The following CTNNBL1 variants were observed in gnomAD, a reference collection of about 807,000 sequenced individuals.
CTNNBL1 encodes the protein beta-catenin-like protein 1.
CTNNBL1 carries 31 observed loss-of-function variants against 72.7 expected under a neutral mutation model. That is an observed-to-expected ratio of 0.43 (90% CI 0.32 to 0.58). CTNNBL1 has a LOEUF of 0.58. Ranked by LOEUF, CTNNBL1 falls within the 20% of genes least tolerant of loss-of-function variation. CTNNBL1 has a pLI of 0.08. For missense variants in CTNNBL1, 534 were observed against 725.1 expected, an observed-to-expected ratio of 0.74 and a Z score of 3.03; for synonymous variants, 240 against 267.3, an observed-to-expected ratio of 0.90 and a Z score of 1.00.
At chr20:37,789,377 A>G (rs2073705219) in intron 10 of CTNNBL1, among the ~76,000 whole-genome samples, 1 of 152,252 alleles carries the variant, frequency 6.6e-6, no homozygotes, top group African/African-American at 2.4e-5. Context: ...GAATTAACAT[A>G]TGAACATGAA....
intron 13 of CTNNBL1, among the ~76,000 whole-genome samples, chr20:37,855,640 A>G (rs1413096236): frequency 6.6e-6 from 1 of 151,960 alleles, no homozygotes; most frequent in Non-Finnish European, 1.5e-5. Flanking sequence ...TCTTCCAGCT[A>G]TGCACTCTAC....
intron 11 of CTNNBL1, among the ~76,000 whole-genome samples, chr20:37,815,897 T>C (rs2072053599): frequency 6.6e-6 from 1 of 152,202 alleles, no homozygotes; most frequent in Admixed American, 6.5e-5. Context: ...GTGTGTGAGG[T>C]GTTTGTTAGT....
At chr20:37,751,011 C>G (rs2073314998) in intron 4 of CTNNBL1, 1 of 151,990 alleles carries the variant, frequency 6.6e-6, no homozygotes, top group Non-Finnish European at 1.5e-5. Context: ...GATTAGCATG[C>G]ATTTCAGGTT....
At chr20:37,781,271 A>G (rs2073623194) in intron 10 of CTNNBL1, among the ~76,000 whole-genome samples, 2 of 152,190 alleles carry the variant, frequency 1.3e-5, no homozygotes, top group Admixed American at 6.5e-5. Flanking sequence ...CCTTAACACA[A>G]TGTTCTGAAG....
chr20:37,785,153 A>C (rs145343379), intron 10 of CTNNBL1, among the ~76,000 whole-genome samples: 1 of 151,682 alleles, frequency 6.6e-6, no homozygotes, highest in Non-Finnish European at 1.5e-5. Flanking sequence ...ACTCCATTGT[A>C]TATATTATTT....
intron 15 of CTNNBL1, among the ~76,000 whole-genome samples, chr20:37,871,702 G>A (rs1354574154): frequency 6.6e-6 from 1 of 152,176 alleles, no homozygotes; most frequent in African/African-American, 2.4e-5. Context: ...GAGGGCGGAA[G>A]TGAAGGGTGT....
rs888990054 is a variant in CTNNBL1, at chr20:37,845,504, G to A, written c.1392+3085G>A. Among the ~76,000 whole-genome samples the A allele has an allele frequency of 9.2e-5, 14 of 152,184 alleles. 1 individual carries two copies. Among genetic ancestry groups the A allele is most frequent in the Non-Finnish European group, 2.1e-4 (14 of 68,030 alleles). On this transcript the variant is annotated intron_variant, in intron 13 of 15. Coordinates refer to ENST00000361383, the MANE Select transcript of CTNNBL1 (RefSeq NM_030877.5). ...GCTGGGCACTGGCAAACATTCCAAG[G>A]CCATTAGTGCTCAGCAGCCTCAGTG...
At chr20:37,729,670 G>C (rs1402886072) in intron 1 of CTNNBL1, among the ~76,000 whole-genome samples, 3 of 152,146 alleles carry the variant, frequency 2.0e-5, no homozygotes, top group Non-Finnish European at 4.4e-5. Context: ...TCGCAGCAGG[G>C]CTTATTTTAT....
At chr20:37,718,137 G>A (rs1391144970) in intron 1 of CTNNBL1, among the ~76,000 whole-genome samples, 1 of 152,186 alleles carries the variant, frequency 6.6e-6, no homozygotes, top group Non-Finnish European at 1.5e-5. Context: ...CCTCCCAGAT[G>A]GGGTGGTGGC....
chr20:37,867,917 C>T (rs1325214759), intron 15 of CTNNBL1, among the ~76,000 whole-genome samples: 3 of 152,138 alleles, frequency 2.0e-5, no homozygotes, highest in South Asian at 2.1e-4. Context: ...GCAGCTTCCC[C>T]GGGCAGTGGA....
rs527558273 is a variant in CTNNBL1 at position 37,828,588 on chromosome 20, A to T, written c.1214-11514A>T. Among the ~76,000 whole-genome samples, 14 of 152,336 alleles carry T rather than the reference A, an allele frequency of 9.2e-5. No individual in the cohort carries two copies. In the East Asian group the frequency reaches 2.5e-3, roughly 27 times the overall value. On this transcript the variant is annotated intron_variant, in intron 11 of 15. Transcript: ENST00000361383. ...TGTGTTTCATAGGATTGTTGTGAGA[A>T]TTAAATGAGATAACATGTGTAAAGC...
intron 10 of CTNNBL1, among the ~76,000 whole-genome samples, chr20:37,784,646 C>T (rs2073656257): frequency 6.6e-6 from 1 of 152,168 alleles, no homozygotes; most frequent in Non-Finnish European, 1.5e-5. Context: ...TTCACCCTTC[C>T]ACTTTTTAAC....
intron 15 of CTNNBL1, among the ~76,000 whole-genome samples, chr20:37,868,691 G>A (rs931982681): frequency 6.6e-6 from 1 of 152,168 alleles, no homozygotes; most frequent in Non-Finnish European, 1.5e-5. Flanking sequence ...GCATATGTAA[G>A]CGAGGCCTCG....
intron 3 of CTNNBL1, among the ~76,000 whole-genome samples, chr20:37,737,701 G>A (rs896634916): frequency 6.6e-6 from 1 of 152,192 alleles, no homozygotes; most frequent in African/African-American, 2.4e-5. Flanking sequence ...ATCAGCAAGA[G>A]AAAAAGACAC....
At chr20:37,705,668 C>T (rs536273491) in intron 1 of CTNNBL1, among the ~76,000 whole-genome samples, 5 of 152,246 alleles carry the variant, frequency 3.3e-5, no homozygotes, top group East Asian at 1.9e-4. Flanking sequence ...ATTATTTTCC[C>T]GTGGTCTCTT....
At chr20:37,718,007 C>G (rs1444411831) in intron 1 of CTNNBL1, among the ~76,000 whole-genome samples, 2 of 152,226 alleles carry the variant, frequency 1.3e-5, no homozygotes, top group Admixed American at 1.3e-4. Context: ...ATGTCTACTT[C>G]TTTCTACACA....
At chr20:37,796,114 C>G (rs1309325657) in intron 10 of CTNNBL1, among the ~76,000 whole-genome samples, 1 of 152,154 alleles carries the variant, frequency 6.6e-6, no homozygotes. Context: ...ATTAATAAGA[C>G]TTTTCTACTG....
intron 3 of CTNNBL1, among the ~76,000 whole-genome samples, chr20:37,739,985 A>T (rs2073201390): frequency 6.6e-6 from 1 of 152,154 alleles, no homozygotes; most frequent in Admixed American, 6.5e-5. Context: ...CGCTTGGTAG[A>T]TACACGTCTC....
intron 2 of CTNNBL1, among the ~76,000 whole-genome samples, chr20:37,735,837 C>T (rs2073166669): frequency 6.6e-6 from 1 of 152,194 alleles, no homozygotes; most frequent in South Asian, 2.1e-4. Context: ...GGATCTATTT[C>T]AGGTTCTCTT....
Sources: gnomAD v4.1 joint callset for allele counts (sites outside exome capture counted in the v4.1 genomes callset) on GRCh38, gnomAD v4.1.1 for gene constraint, MANE v1.5 for transcripts, NCBI Gene and HGNC (gene_info 2026-07-23, HGNC 2026-07-21) for gene names.